ASCC3: variants seen among roughly 807,000 people sequenced by gnomAD.
ASCC3 encodes the protein activating signal cointegrator 1 complex subunit 3, also known as ASC-1 complex subunit P200.
ASCC3 carries 158 observed loss-of-function variants against 256.3 expected under a neutral mutation model. The observed-to-expected ratio is 0.62, with a 90% confidence interval of 0.54 to 0.70. ASCC3 has a LOEUF of 0.70. Among genes scored for constraint, ASCC3 ranks in the 30% least tolerant of loss-of-function variants. The pLI, the probability that ASCC3 is intolerant of heterozygous loss-of-function variation, is 0.00. For synonymous variants in ASCC3, 948 were observed against 883.4 expected (o/e 1.07, Z -1.30); for missense variants, 2,259 against 2,626.0 (o/e 0.86, Z 3.05).
At chr6:100,638,537 G>C in intron 25 of ASCC3, 64 bp downstream of exon 25, 2 of 1,352,492 alleles carry the variant, frequency 1.5e-6, no homozygotes, top group Non-Finnish European at 2.1e-6. Flanking sequence ...ATTTAGAACT[G>C]TCTAGTTTAG....
At chr6:100,612,442 A>G (rs1355080450) in intron 30 of ASCC3, among the ~76,000 whole-genome samples, 1 of 152,102 alleles carries the variant, frequency 6.6e-6, no homozygotes, top group African/African-American at 2.4e-5. Context: ...CCTCATTATC[A>G]GAACTCTATA....
chr6:100,622,447 A>AT (rs767174364), intron 30 of ASCC3, among the ~76,000 whole-genome samples: 2 of 151,998 alleles, frequency 1.3e-5, no homozygotes, highest in Non-Finnish European at 2.9e-5. Context: ...CCCTTCCACC[A>AT]TGATGGTAAG....
At chr6:100,649,814 A>T (rs183315653) in intron 20 of ASCC3, among the ~76,000 whole-genome samples, 24 of 151,776 alleles carry the variant, frequency 1.6e-4, no homozygotes, top group Admixed American at 1.5e-3. Context: ...CAGGTAAATA[A>T]TTTTTTTAAA....
chr6:100,834,903 GA>G (rs1021229461), intron 4 of ASCC3, among the ~76,000 whole-genome samples: 1 of 152,036 alleles, frequency 6.6e-6, no homozygotes, highest in African/African-American at 2.4e-5. Flanking sequence ...ACTGTTTTCT[GA>G]CAGAAACTTT....
Position 100,595,346 on chromosome 6 carries a change from T to C in ASCC3, c.5304-5287A>G, listed in dbSNP as rs143761037. Among the ~76,000 whole-genome samples the C allele has an allele frequency of 5.8e-3, 878 of 152,182 alleles. 9 individuals carry two copies. The highest frequency in any genetic ancestry group is 0.02 in the African/African-American group (841 of 41,532). ...TCAGTTAAAATTTTTTAAAAGAAAATTTATGTTCACACAAAATCTCACAAA... is the reference window on the plus strand; with the variant it reads ...TCAGTTAAAATTTTTTAAAAGAAAACTTATGTTCACACAAAATCTCACAAA... On this transcript the variant is annotated intron_variant, in intron 34 of 41. Coordinates refer to ENST00000369162, the MANE Select transcript of ASCC3 (RefSeq NM_006828.4).
At position 100,645,470 on chromosome 6, in the gene ASCC3, T is replaced by C. The variant is rs189897605; in HGVS notation, c.3633+1145A>G. Among the ~76,000 whole-genome samples, 57 of 152,230 alleles carry C rather than the reference T, an allele frequency of 3.7e-4. No homozygotes were observed. In the East Asian group the frequency reaches 0.01, roughly 27 times the overall value. On this transcript the variant is annotated intron_variant, in intron 22 of 41. Transcript: ENST00000369162. ...ACCATGGTTGGGTAATTTTAGAGCA[T>C]ACTGTTAAAATTCATTGACATTAAA...
intron 36 of ASCC3, among the ~76,000 whole-genome samples, chr6:100,561,409 CA>C (rs953370748): frequency 6.6e-6 from 1 of 151,944 alleles, no homozygotes; most frequent in Admixed American, 6.6e-5. Flanking sequence ...ACTTCATTAA[CA>C]AAAATATTTT....
At chr6:100,509,562 A>G in intron 41 of ASCC3, 29 bp from the exon 42 acceptor site, 1 of 1,584,130 alleles carries the variant, frequency 6.3e-7, no homozygotes, top group Non-Finnish European at 8.7e-7. Flanking sequence ...AGAAAAATGT[A>G]AAACCACTTT....
chr6:100,663,659 A>G (rs537798276), intron 14 of ASCC3, among the ~76,000 whole-genome samples: 1 of 152,118 alleles, frequency 6.6e-6, no homozygotes, highest in Non-Finnish European at 1.5e-5. Context: ...AATAAAAACG[A>G]AATTGTATGC....
chr6:100,690,299 T>G (rs1192252022), intron 13 of ASCC3, among the ~76,000 whole-genome samples: 1 of 152,148 alleles, frequency 6.6e-6, no homozygotes, highest in Non-Finnish European at 1.5e-5. Context: ...GATGCAACCA[T>G]TCTTTTTTTC....
chr6:100,650,641 A>G lies in ASCC3; in HGVS notation c.3149T>C (p.Val1050Ala). 2 of 1,612,622 alleles carry G rather than the reference A, an allele frequency of 1.2e-6. No individual in the cohort carries two copies. The highest frequency in any genetic ancestry group is 1.7e-6 in the Non-Finnish European group (2 of 1,178,954). ...GTTTATTTTCCCATAACTATTCTCT[A>G]CACCTCCAGGAGTGGAGAGTTCACA... ...NFCELSTPGG[V>A]ENSYGKINIL... Residue 1050 changes from valine (V) to alanine (A), a missense_variant, in exon 20 of 42, where the codon GTA becomes GCA. Around this residue, in one of 2 missense-constraint regions of ASCC3, gnomAD observed 1,839 missense variants for 2,206.7 expected, o/e 0.83. Transcript: ENST00000369162.
chr6:100,521,271 C>A (rs755147088), intron 37 of ASCC3, among the ~76,000 whole-genome samples: 4 of 151,998 alleles, frequency 2.6e-5, no homozygotes, highest in Admixed American at 1.3e-4. Flanking sequence ...AATTTGAATA[C>A]GCCAAAGGGA....
chr6:100,600,579 G>T (rs1227430181), intron 34 of ASCC3, among the ~76,000 whole-genome samples: 1 of 152,110 alleles, frequency 6.6e-6, no homozygotes. Context: ...AAGTGAAAAT[G>T]TTGGCTGAAA....
intron 30 of ASCC3, among the ~76,000 whole-genome samples, chr6:100,621,492 C>G (rs1167377367): frequency 6.6e-6 from 1 of 152,128 alleles, no homozygotes; most frequent in Non-Finnish European, 1.5e-5. Context: ...AAAAAAGGCT[C>G]AGCATCACTG....
intron 10 of ASCC3, among the ~76,000 whole-genome samples, chr6:100,745,733 TTTTTAATTTTATTTAA>T (rs1780635357): frequency 6.6e-6 from 1 of 152,174 alleles, no homozygotes; most frequent in Non-Finnish European, 1.5e-5. Context: ...AGGAAAATAA[TTTTTAATTTTATTTAA>T]TTTTAATTTT....
intron 38 of ASCC3, among the ~76,000 whole-genome samples, chr6:100,517,209 G>A (rs932579587): frequency 2.0e-5 from 3 of 152,088 alleles, no homozygotes; most frequent in Non-Finnish European, 4.4e-5. Context: ...GAGACTTGCT[G>A]TGTGCCTGAG....
intron 8 of ASCC3, among the ~76,000 whole-genome samples, chr6:100,789,379 G>A (rs987347427): frequency 8.6e-5 from 13 of 151,998 alleles, no homozygotes; most frequent in African/African-American, 2.9e-4. Flanking sequence ...GAGGAGGCCA[G>A]TGCTTTTAAA....
chr6:100,822,470 G>C (rs554825277), intron 4 of ASCC3, among the ~76,000 whole-genome samples: 1 of 150,970 alleles, frequency 6.6e-6, no homozygotes, highest in South Asian at 2.1e-4. Flanking sequence ...CTGGAAGACA[G>C]AGGTTGCAGT....
chr6:100,614,939 C>T (rs1019693746), intron 30 of ASCC3, among the ~76,000 whole-genome samples: 2 of 152,152 alleles, frequency 1.3e-5, no homozygotes, highest in African/African-American at 4.8e-5. Flanking sequence ...CAACTATCTT[C>T]ATGATTGAGA....
Sources: gnomAD v4.1 joint callset for allele counts (sites outside exome capture counted in the v4.1 genomes callset) on GRCh38, gnomAD v4.1.1 for gene constraint, gnomAD v4.1.1 regional missense constraint, MANE v1.5 for transcripts, NCBI Gene and HGNC (gene_info 2026-07-23, HGNC 2026-07-21) for gene names.